Variants in PCDH11X observed in about 807,000 individuals in gnomAD.
The protein encoded by PCDH11X is protocadherin-11 X-linked.
Under a neutral mutation model 53.3 loss-of-function variants are expected in PCDH11X, and 18 were observed. That is an observed-to-expected ratio of 0.34 (90% CI 0.23 to 0.50). PCDH11X has a LOEUF of 0.50. Among genes scored for constraint, PCDH11X ranks in the 20% least tolerant of loss-of-function variants. The pLI is 0.98. For synonymous variants in PCDH11X, 279 were observed against 393.3 expected (o/e 0.71, Z 3.44); for missense variants, 570 against 1,032.4 (o/e 0.55, Z 6.14).
At chrX:92,296,212 T>C (rs1231509586) in intron 8 of PCDH11X, among the ~76,000 whole-genome samples, 1 of 112,056 alleles carries the variant, frequency 8.9e-6, no homozygotes, top group Non-Finnish European at 1.9e-5. Flanking sequence ...TAATTATTTT[T>C]GTACATTGCT....
At chrX:92,186,641 A>AG in intron 6 of PCDH11X, among the ~76,000 whole-genome samples, 1 of 109,284 alleles carries the variant, frequency 9.2e-6, no homozygotes, top group Middle Eastern at 4.7e-3. Flanking sequence ...AAAAAAAAAA[A>AG]AAAAAAGAGA....
chrX:92,102,041 TG>T (rs1034653164), intron 6 of PCDH11X, among the ~76,000 whole-genome samples: 2 of 110,451 alleles, frequency 1.8e-5, no homozygotes, highest in African/African-American at 6.6e-5. Flanking sequence ...GAAGGAAATA[TG>T]GGGAAATGGG....
At chrX:92,256,309 G>A (rs751255640) in intron 7 of PCDH11X, among the ~76,000 whole-genome samples, 9 of 110,375 alleles carry the variant, frequency 8.2e-5, no homozygotes, top group East Asian at 5.8e-4. Context: ...GCTCGCGCAC[G>A]GTGTGCACAC....
chrX:92,595,086 C>G (rs2148801310), intron 10 of PCDH11X, among the ~76,000 whole-genome samples: 1 of 110,232 alleles, frequency 9.1e-6, no homozygotes, highest in South Asian at 3.9e-4. Context: ...ATTGGAGACA[C>G]TGGTTATTTT....
In PCDH11X at chrX:92,006,333, T is replaced by C. The variant is rs1346679205; in HGVS notation, c.3033+127060T>C. On this transcript the variant is annotated intron_variant, in intron 6 of 10. Transcript: ENST00000682573. ...TTTGACTCTTCTGTGTATTTTCAAA[T>C]AGCCTGTCTTCAAGCTCAGTAATTC... Among the ~76,000 whole-genome samples, 6 of 107,464 alleles carry C rather than the reference T, an allele frequency of 5.6e-5. No individual in the cohort carries two copies. The East Asian group carries it at 1.8e-3, about 32-fold the overall frequency. The allele number at this position is 107,464 out of a possible 115,157, so 93.3% of individuals were successfully genotyped here.
intron 6 of PCDH11X, among the ~76,000 whole-genome samples, chrX:92,065,060 T>C (rs1302784622): frequency 2.0e-5 from 2 of 101,920 alleles, no homozygotes; most frequent in Admixed American, 2.1e-4. Context: ...TTGAACCCCA[T>C]TGCCTGAGGG....
At chrX:92,546,257 A>G (rs1275503472) in intron 10 of PCDH11X, among the ~76,000 whole-genome samples, 1 of 111,192 alleles carries the variant, frequency 9.0e-6, no homozygotes, top group Admixed American at 9.6e-5. Flanking sequence ...GGAACAAAGA[A>G]TATAATCTGA....
chrX:92,444,753 G>A (rs1164036786), intron 9 of PCDH11X, among the ~76,000 whole-genome samples: 1 of 104,065 alleles, frequency 9.6e-6, no homozygotes. Context: ...TTTTAATGAT[G>A]AAGGGATGTT....
At chrX:92,392,427 GTAAT>G (rs1789309346) in intron 9 of PCDH11X, among the ~76,000 whole-genome samples, 1 of 110,321 alleles carries the variant, frequency 9.1e-6, no homozygotes, top group Admixed American at 9.7e-5. Flanking sequence ...CAACAAGGAA[GTAAT>G]TAATCTTTCC....
chrX:92,472,887 G>A lies in PCDH11X; in HGVS notation c.3367+4565G>A, dbSNP rs770896970. ...GTATTTTATTCTTTTTGTGGCAAAT[G>A]TGAATAGGCATCTGTTTGTGGCTCT... On this transcript the variant is annotated intron_variant, in intron 10 of 10. Coordinates refer to ENST00000682573, the MANE Select transcript of PCDH11X (RefSeq NM_032968.5). Among the ~76,000 whole-genome samples the A allele has an allele frequency of 2.7e-5, 3 of 110,822 alleles. No homozygotes were observed. In the South Asian group the frequency reaches 1.1e-3, roughly 42 times the overall value.
intron 6 of PCDH11X, among the ~76,000 whole-genome samples, chrX:92,122,880 T>A (rs1168327552): frequency 1.8e-5 from 2 of 111,011 alleles, no homozygotes; most frequent in Non-Finnish European, 3.8e-5. Flanking sequence ...GAGGTTCCAG[T>A]GAGCTGAGAT....
intron 6 of PCDH11X, among the ~76,000 whole-genome samples, chrX:92,177,488 G>C (rs2065928843): frequency 8.9e-6 from 1 of 111,890 alleles, no homozygotes. Context: ...TCTCATCCTT[G>C]AGATGGCCTG....
chrX:92,132,640 T>C (rs2065005001), intron 6 of PCDH11X, among the ~76,000 whole-genome samples: 1 of 59,572 alleles, frequency 1.7e-5, no homozygotes, highest in African/African-American at 1.1e-4. Flanking sequence ...TATATGTATA[T>C]ATATATATAT....
intron 7 of PCDH11X, among the ~76,000 whole-genome samples, chrX:92,221,326 CAT>C (rs1431706236): frequency 1.1e-5 from 1 of 93,228 alleles, no homozygotes; most frequent in African/African-American, 4.4e-5. Flanking sequence ...CACACACACA[CAT>C]ATATACGAAG....
At chrX:92,201,971 C>A (rs974201297) in intron 7 of PCDH11X, among the ~76,000 whole-genome samples, 1 of 110,957 alleles carries the variant, frequency 9.0e-6, no homozygotes, top group Non-Finnish European at 1.9e-5. Context: ...GAGTGAGAGA[C>A]CAATGCAAGT....
At chrX:92,285,330 C>T (rs2522592) in intron 8 of PCDH11X, among the ~76,000 whole-genome samples, 13 of 104,668 alleles carry the variant, frequency 1.2e-4, no homozygotes, top group Middle Eastern at 4.8e-3. Context: ...CTCGGCTCAC[C>T]GCAAACTCCG....
At chrX:92,132,691 A>ATGTATATATATATG (rs1167743129) in intron 6 of PCDH11X, among the ~76,000 whole-genome samples, 1 of 90,657 alleles carries the variant, frequency 1.1e-5, no homozygotes, top group African/African-American at 4.7e-5. Context: ...ATATATGTAT[A>ATGTATATATATATG]TATATATATA....
intron 10 of PCDH11X, among the ~76,000 whole-genome samples, chrX:92,494,680 C>T (rs1328666626): frequency 2.7e-5 from 3 of 109,820 alleles, no homozygotes; most frequent in Non-Finnish European, 5.7e-5. Flanking sequence ...ACAGCTATGT[C>T]CTCTTTTTGA....
rs769097508 is a variant in PCDH11X, at chrX:91,835,677, C to T, written c.173C>T (p.Thr58Ile). The T allele has an allele frequency of 1.7e-6, 2 of 1,211,504 alleles. No homozygotes were observed. Among genetic ancestry groups the T allele is most frequent in the Admixed American group, 2.2e-5 (1 of 45,937 alleles). Residue 58 changes from threonine to isoleucine, a missense_variant, in exon 5 of 11, where the codon ACA becomes ATA. Thr to Ile is a moderately conservative substitution (Grantham distance 89, BLOSUM62 -1). Around this residue, in one of 6 missense-constraint regions of PCDH11X, gnomAD observed 84 missense variants for 142.0 expected, o/e 0.59. Transcript: ENST00000682573. ...TCGCTGATTCCAAACAAGTCCTTGA[C>T]AACTGCTATGCAGTTCAAGCTAGTG... ...NLSLIPNKSLTTAMQFKLVYK... is the reference protein window; with the variant it reads ...NLSLIPNKSLITAMQFKLVYK...
Sources: gnomAD v4.1 joint callset for allele counts (sites outside exome capture counted in the v4.1 genomes callset) on GRCh38, gnomAD v4.1.1 for gene constraint, gnomAD v4.1.1 regional missense constraint, MANE v1.5 for transcripts, NCBI Gene and HGNC (gene_info 2026-07-23, HGNC 2026-07-21) for gene names.